COX7B2: variants seen among roughly 807,000 people sequenced by gnomAD.
The protein encoded by COX7B2 is cytochrome c oxidase subunit 7B2.
For synonymous variants in COX7B2, 37 were observed against 32.1 expected, an observed-to-expected ratio of 1.15 and a Z score of -0.51; for missense variants, 109 against 95.9, an observed-to-expected ratio of 1.14 and a Z score of -0.57.
At chr4:46,853,555 C>T (rs1716835597) in intron 1 of COX7B2, among the ~76,000 whole-genome samples, 1 of 151,990 alleles carries the variant, frequency 6.6e-6, no homozygotes, top group African/African-American at 2.4e-5. Flanking sequence ...TTTAACCATA[C>T]AGTATCCAGT....
chr4:46,876,362 T>A (rs916829774), intron 1 of COX7B2, among the ~76,000 whole-genome samples: 1 of 151,956 alleles, frequency 6.6e-6, no homozygotes, highest in African/African-American at 2.4e-5. Flanking sequence ...GGAAGAATGA[T>A]CCTCTGATTT....
At chr4:46,747,175 A>G (rs746674897) in intron 2 of COX7B2, among the ~76,000 whole-genome samples, 1 of 152,128 alleles carries the variant, frequency 6.6e-6, no homozygotes, top group African/African-American at 2.4e-5. Flanking sequence ...AGTATCCATT[A>G]GTTATTTTTC....
At chr4:46,870,852 G>A (rs1434500088) in intron 1 of COX7B2, among the ~76,000 whole-genome samples, 3 of 151,822 alleles carry the variant, frequency 2.0e-5, no homozygotes, top group East Asian at 1.9e-4. Context: ...ACAGACAAAC[G>A]GAAAAACACT....
intron 1 of COX7B2, among the ~76,000 whole-genome samples, chr4:46,900,954 T>C (rs1458592926): frequency 6.6e-6 from 1 of 152,196 alleles, no homozygotes; most frequent in Non-Finnish European, 1.5e-5. Flanking sequence ...CTCAACATAA[T>C]GTGAACTTTA....
rs575084707 is a variant in COX7B2, at chr4:46,871,945, A to G, written c.-104-26931T>C. ...TCAGAGAGCTAAAAGAAGAACTACC[A>G]TTCAACCCAGCAATCCTATTATTGG... On this transcript the variant is annotated intron_variant, in intron 1 of 2. Transcript: ENST00000355591. 9.2e-5 allele frequency among the ~76,000 whole-genome samples: 14 copies of G among 152,326 alleles called. No homozygotes were observed. In the South Asian group the frequency reaches 2.9e-3, roughly 32 times the overall value.
intron 2 of COX7B2, among the ~76,000 whole-genome samples, chr4:46,818,044 T>G (rs1024631784): frequency 1.3e-5 from 2 of 152,230 alleles, no homozygotes; most frequent in African/African-American, 2.4e-5. Context: ...CCAGTGAGTC[T>G]TATTATGCTC....
chr4:46,802,467 G>C (rs1718706870), intron 2 of COX7B2, among the ~76,000 whole-genome samples: 1 of 152,122 alleles, frequency 6.6e-6, no homozygotes, highest in Admixed American at 6.5e-5. Flanking sequence ...TAACGTTGGA[G>C]ATATGTTGAT....
intron 2 of COX7B2, among the ~76,000 whole-genome samples, chr4:46,779,144 G>C (rs926638163): frequency 6.6e-6 from 1 of 152,118 alleles, no homozygotes; most frequent in African/African-American, 2.4e-5. Flanking sequence ...ATTACATGCT[G>C]AAGACTGTGA....
chr4:46,824,530 A>AACAG (rs1415396782), intron 2 of COX7B2, among the ~76,000 whole-genome samples: 1 of 152,112 alleles, frequency 6.6e-6, no homozygotes, highest in Non-Finnish European at 1.5e-5. Context: ...GAGATAGAAA[A>AACAG]ACAGACAAAC....
chr4:46,824,335 C>T (rs777034173), intron 2 of COX7B2, among the ~76,000 whole-genome samples: 5 of 152,064 alleles, frequency 3.3e-5, no homozygotes, highest in Non-Finnish European at 7.4e-5. Context: ...GCATCATCTT[C>T]ATACCAAAAT....
chr4:46,734,913 T>C lies in COX7B2; in HGVS notation c.*34A>G, dbSNP rs566933835. 1.9e-5 allele frequency: 31 copies of C among 1,613,418 alleles called. No individual in the cohort carries two copies. The South Asian group carries it at 3.4e-4, about 18-fold the overall frequency. On this transcript the variant is annotated 3_prime_UTR_variant, in exon 3 of 3. Transcript: ENST00000355591. ...AGTGCTTACATGACAAGTTGGTTTT[T>C]TAAACAATTCTGTCATTACAGCAAC... is the stretch of plus-strand genomic sequence containing the variant.
At chr4:46,848,643 G>GGA (rs1716454602) in intron 1 of COX7B2, among the ~76,000 whole-genome samples, 2 of 151,952 alleles carry the variant, frequency 1.3e-5, no homozygotes, top group African/African-American at 2.4e-5. Context: ...TACACAAAGT[G>GGA]GAAAAGTAGG....
chr4:46,741,667 G>T (rs1284185031), intron 2 of COX7B2, among the ~76,000 whole-genome samples: 1 of 152,014 alleles, frequency 6.6e-6, no homozygotes, highest in Non-Finnish European at 1.5e-5. Flanking sequence ...AATGGTTTAT[G>T]ATACAACTCA....
At chr4:46,745,292 C>A (rs6812330) in intron 2 of COX7B2, among the ~76,000 whole-genome samples, 49,746 of 151,948 alleles carry the variant, frequency 0.33, 8,402 homozygotes, top group South Asian at 0.47. Context: ...GTTAATTAAT[C>A]TTTTTATGAA....
chr4:46,804,832 C>T (rs1412221613), intron 2 of COX7B2, among the ~76,000 whole-genome samples: 1 of 152,258 alleles, frequency 6.6e-6, no homozygotes, highest in African/African-American at 2.4e-5. Flanking sequence ...TGTGCCTGCA[C>T]TCCTCAGCCT....
chr4:46,769,205 A>G (rs983509544), intron 2 of COX7B2, among the ~76,000 whole-genome samples: 4 of 152,194 alleles, frequency 2.6e-5, no homozygotes, highest in African/African-American at 9.6e-5. Context: ...AGGAAGGAAC[A>G]CTTCCAAACT....
At chr4:46,871,765 A>G (rs768080114) in intron 1 of COX7B2, among the ~76,000 whole-genome samples, 10 of 152,172 alleles carry the variant, frequency 6.6e-5, no homozygotes, top group Non-Finnish European at 1.2e-4. Context: ...AAAAATGCCA[A>G]TCAAAAACAA....
chr4:46,803,994 A>C (rs1434475682), intron 2 of COX7B2, among the ~76,000 whole-genome samples: 1 of 152,060 alleles, frequency 6.6e-6, no homozygotes, highest in Non-Finnish European at 1.5e-5. Flanking sequence ...TACAGTTCTC[A>C]AAGGCAGCAT....
chr4:46,889,673 T>G (rs945495636), intron 1 of COX7B2, among the ~76,000 whole-genome samples: 3 of 152,164 alleles, frequency 2.0e-5, no homozygotes, highest in South Asian at 2.1e-4. Context: ...ACAAAAGGAA[T>G]GCCTCTTGAG....
Sources: allele counts gnomAD v4.1 joint callset (sites outside exome capture counted in the v4.1 genomes callset), GRCh38; gene constraint gnomAD v4.1.1; transcripts MANE v1.5; gene names NCBI Gene and HGNC (gene_info 2026-07-23, HGNC 2026-07-21).